The following CELF2 variants were observed in gnomAD, a reference collection of about 807,000 sequenced individuals.
CELF2 encodes the protein CUGBP Elav-like family member 2.
In CELF2, 8 loss-of-function variants were observed where a neutral mutation model predicts 62.6. That is an observed-to-expected ratio of 0.13 (90% CI 0.07 to 0.23). The LOEUF is 0.23. CELF2 is among the 10% of genes least tolerant of loss of function. CELF2 has a pLI of 1.00. For missense variants in CELF2, 333 were observed against 671.0 expected, an observed-to-expected ratio of 0.50 and a Z score of 5.56; for synonymous variants, 258 against 250.0, an observed-to-expected ratio of 1.03 and a Z score of -0.30.
At chr10:11,279,232 A>G (rs1350435852) in intron 8 of CELF2, among the ~76,000 whole-genome samples, 1 of 152,214 alleles carries the variant, frequency 6.6e-6, no homozygotes, top group Non-Finnish European at 1.5e-5. Context: ...GATTCTGAGT[A>G]AAGCAAGTAG....
the CELF2 span, among the ~76,000 whole-genome samples, chr10:10,641,518 G>A: frequency 6.6e-6 from 1 of 152,058 alleles, no homozygotes; most frequent in Non-Finnish European, 1.5e-5. Flanking sequence ...TCTGCTCACT[G>A]CAATTTCTGC....
intron 1 of CELF2, among the ~76,000 whole-genome samples, chr10:11,146,982 A>G (rs1304305549): frequency 6.6e-6 from 1 of 152,262 alleles, no homozygotes; most frequent in East Asian, 1.9e-4. Flanking sequence ...CTAAATTGAC[A>G]TTCAGATTGC....
intron 1 of CELF2, among the ~76,000 whole-genome samples, chr10:10,821,041 C>T (rs986121774): frequency 6.6e-6 from 1 of 152,116 alleles, no homozygotes; most frequent in African/African-American, 2.4e-5. Flanking sequence ...TCAAGGAAGT[C>T]AAACATAAGG....
At chr10:10,478,106 A>C in the CELF2 span, among the ~76,000 whole-genome samples, 288 of 152,286 alleles carry the variant, frequency 1.9e-3, 3 homozygotes, top group African/African-American at 6.6e-3. Context: ...TCCAGGAAAA[A>C]AGTTAGCCAT....
intron 2 of CELF2, among the ~76,000 whole-genome samples, chr10:10,939,277 GTGTTGT>G (rs77431498): frequency 2.1e-5 from 3 of 144,220 alleles, no homozygotes; most frequent in Non-Finnish European, 3.0e-5. Flanking sequence ...TTGTTTTGTG[GTGTTGT>G]TGTTGTTGTT....
At chr10:10,623,582 C>T in the CELF2 span, among the ~76,000 whole-genome samples, 1 of 152,120 alleles carries the variant, frequency 6.6e-6, no homozygotes, top group Non-Finnish European at 1.5e-5. Flanking sequence ...ATGGTACCTG[C>T]TTTAGTAGCT....
chr10:10,749,146 T>G, the CELF2 span, among the ~76,000 whole-genome samples: 3 of 152,202 alleles, frequency 2.0e-5, no homozygotes, highest in African/African-American at 7.2e-5. Flanking sequence ...GTCAACTAGA[T>G]AATTGTATTA....
intron 2 of CELF2, among the ~76,000 whole-genome samples, chr10:11,201,795 A>G (rs1456826749): frequency 4.6e-5 from 7 of 152,250 alleles, no homozygotes; most frequent in African/African-American, 1.7e-4. Context: ...CTTGGCTCCA[A>G]GAATCCATGT....
intron 1 of CELF2, among the ~76,000 whole-genome samples, chr10:11,101,452 TAG>T (rs1400598759): frequency 6.6e-6 from 1 of 152,154 alleles, no homozygotes; most frequent in Non-Finnish European, 1.5e-5. Context: ...GTGAAGAAGT[TAG>T]AGAGGGCTAG....
chr10:11,186,647 A>G (rs2075013595), intron 2 of CELF2, among the ~76,000 whole-genome samples: 1 of 152,208 alleles, frequency 6.6e-6, no homozygotes, highest in Admixed American at 6.5e-5. Context: ...CCAAAAATCC[A>G]AACTTTGAAA....
intron 1 of CELF2, among the ~76,000 whole-genome samples, chr10:10,861,876 A>G (rs746261692): frequency 3.9e-5 from 6 of 152,208 alleles, no homozygotes; most frequent in Non-Finnish European, 7.3e-5. Flanking sequence ...CTTTCTAACC[A>G]TTATATAATT....
chr10:10,510,836 C>G, the CELF2 span, among the ~76,000 whole-genome samples: 1 of 152,098 alleles, frequency 6.6e-6, no homozygotes, highest in Non-Finnish European at 1.5e-5. Context: ...CTGGAATAAG[C>G]CTTGCAAAGA....
At chr10:10,505,535 C>CAAAGGG in the CELF2 span, among the ~76,000 whole-genome samples, 3 of 151,930 alleles carry the variant, frequency 2.0e-5, no homozygotes, top group Non-Finnish European at 2.9e-5. Context: ...GGAGAAGAGG[C>CAAAGGG]AAAGGGAAAG....
In CELF2 at chr10:11,280,989, C is replaced by CGTGT. The variant is rs60798946; in HGVS notation, c.841+5898_841+5901dup. Among the ~76,000 whole-genome samples the CGTGT allele has an allele frequency of 0.029, 4,118 of 144,378 alleles. 102 individuals are homozygous for CGTGT. Among genetic ancestry groups the CGTGT allele is most frequent in the East Asian group, 0.086 (415 of 4,844 alleles). The allele number at this position is 144,378 out of a possible 152,430, so 94.7% of individuals were successfully genotyped here. The stretch of plus-strand genomic sequence containing the variant: ...TGGCGTGCGTGTGCATGCCTGTGTG[C>CGTGT]GTGTGTGTGTGTGTGTGTGTGTGTG... On this transcript the variant is annotated intron_variant, in intron 8 of 12. Coordinates refer to ENST00000633077, the MANE Select transcript of CELF2 (RefSeq NM_001326342.2). This position sits in a 1 kb window ranked among gnomAD's most constrained non-coding sequence, Gnocchi z 7.6.
the CELF2 span, among the ~76,000 whole-genome samples, chr10:10,616,719 T>TGTGTGTGTGA: frequency 1.1e-4 from 6 of 55,142 alleles, no homozygotes; most frequent in Non-Finnish European, 2.4e-4. Context: ...TGTGTGTGTG[T>TGTGTGTGTGA]GAGAGAGAGA....
the CELF2 span, among the ~76,000 whole-genome samples, chr10:10,546,426 G>A: frequency 6.6e-6 from 1 of 152,186 alleles, no homozygotes; most frequent in Non-Finnish European, 1.5e-5. Context: ...GCAGGTTTCC[G>A]GGAGACAGTT....
chr10:10,937,121 C>CTTTTTTTTTTTTTTTTTT (rs373143426), intron 2 of CELF2, among the ~76,000 whole-genome samples: 240 of 90,466 alleles, frequency 2.7e-3, no homozygotes, highest in Non-Finnish European at 3.6e-3. Flanking sequence ...TTTTTCTTTT[C>CTTTTTTTTTTTTTTTTTT]TTTTTTTTTT....
chr10:10,685,882 A>C, the CELF2 span, among the ~76,000 whole-genome samples: 1 of 152,168 alleles, frequency 6.6e-6, no homozygotes, highest in Non-Finnish European at 1.5e-5. Context: ...TTCTGCATTG[A>C]TCAAATTCAT....
At chr10:11,073,276 C>T (rs539901965) in intron 1 of CELF2, among the ~76,000 whole-genome samples, 1 of 152,270 alleles carries the variant, frequency 6.6e-6, no homozygotes, top group Non-Finnish European at 1.5e-5. Flanking sequence ...TAGCATTTTT[C>T]TCTAGGAAGG....
Sources: allele counts gnomAD v4.1 joint callset (sites outside exome capture counted in the v4.1 genomes callset), GRCh38; gene constraint gnomAD v4.1.1; non-coding constraint Gnocchi (gnomAD v3.1); transcripts MANE v1.5; gene names NCBI Gene and HGNC (gene_info 2026-07-23, HGNC 2026-07-21).